Variants in LAMC2 observed in about 807,000 individuals in gnomAD.
LAMC2 encodes laminin subunit gamma-2.
LAMC2 carries 97 observed loss-of-function variants against 140.2 expected under a neutral mutation model. That is an observed-to-expected ratio of 0.69 (90% CI 0.59 to 0.82). LAMC2 has a LOEUF of 0.82. Among genes scored for constraint, LAMC2 ranks in the 40% least tolerant of loss-of-function variants. LAMC2 has a pLI of 0.00. For synonymous variants in LAMC2, 513 were observed against 540.2 expected, an observed-to-expected ratio of 0.95 and a Z score of 0.70; for missense variants, 1,402 against 1,476.1, an observed-to-expected ratio of 0.95 and a Z score of 0.82.
chr1:183,223,695 G>A (rs1659543286), intron 7 of LAMC2, among the ~76,000 whole-genome samples: 2 of 152,218 alleles, frequency 1.3e-5, no homozygotes, highest in Admixed American at 6.5e-5. Flanking sequence ...AGAGAAGGGA[G>A]GAAAGGTTAA....
intron 1 of LAMC2, 122 bp downstream of exon 1, chr1:183,186,553 T>C: frequency 9.8e-7 from 1 of 1,025,186 alleles, no homozygotes; most frequent in South Asian, 1.5e-5. Flanking sequence ...TTGTTAGAGC[T>C]CCCTTCTCCT....
At position 183,236,491 on chromosome 1, in the gene LAMC2, T is replaced by G; in HGVS notation, c.2488T>G (p.Leu830Val). ...GAAAACCAAGTCCCTGGCCCAGCAG[T>G]TGACAAGGGAGGCCACTCAAGCGGA... The part of the protein sequence containing the change: ...LEKTKSLAQQ[L>V]TREATQAEIE... The change falls in exon 17 of 23, where the codon TTG becomes GTG. Residue 830 changes from leucine (L) to valine (V), a missense_variant. This residue lies in a region of LAMC2 where 670 missense variants were observed against 667.2 expected (regional missense o/e 1.00). Transcript: ENST00000264144. 1.2e-6 allele frequency: 2 copies of G among 1,612,758 alleles called. No individual in the cohort carries two copies. Among genetic ancestry groups the G allele is most frequent in the East Asian group, 4.5e-5 (2 of 44,770 alleles).
Position 183,207,871 on chromosome 1 carries a change from T to A in LAMC2, c.80-10T>A. The A allele has an allele frequency of 6.3e-7, 1 of 1,599,570 alleles. No individual in the cohort carries two copies. Among genetic ancestry groups the A allele is most frequent in the Non-Finnish European group, 8.6e-7 (1 of 1,168,302 alleles). ...TTTTTGACGATCTCTTTTGTATGCT[T>A]CCTCCCCAGTCTGTGATTGCAATGG... On this transcript the variant is annotated splice_polypyrimidine_tract_variant and intron_variant, in intron 1 of 22. Coordinates refer to ENST00000264144, the MANE Select transcript of LAMC2 (RefSeq NM_005562.3).
chr1:183,231,567 A>G (rs1414372860), intron 12 of LAMC2, among the ~76,000 whole-genome samples: 2 of 152,254 alleles, frequency 1.3e-5, no homozygotes, highest in Non-Finnish European at 2.9e-5. Context: ...ACAAATGAAG[A>G]AAAACATAAA....
chr1:183,241,273 A>G, intron 22 of LAMC2: 5 of 984,000 alleles, frequency 5.1e-6, no homozygotes, highest in Non-Finnish European at 2.4e-6. Context: ...GAAAAATAAA[A>G]AAGAATCACT....
chr1:183,249,204 T>C (rs1660308024), downstream of LAMC2: 1 of 152,182 alleles, frequency 6.6e-6, no homozygotes, highest in African/African-American at 2.4e-5. Flanking sequence ...TGTTCCTATG[T>C]ACATTCAAGG....
intron 3 of LAMC2, among the ~76,000 whole-genome samples, chr1:183,217,536 G>T (rs1244363331): frequency 1.3e-5 from 2 of 152,172 alleles, no homozygotes; most frequent in Non-Finnish European, 2.9e-5. Flanking sequence ...TAACCAAAAA[G>T]AATATATGTA....
rs886045626 is a variant in LAMC2, at chr1:183,226,899, C to G, written c.1268C>G (p.Ala423Gly). The G allele has an allele frequency of 1.2e-6, 2 of 1,613,840 alleles. No individual in the cohort carries two copies. The highest frequency in any genetic ancestry group is 2.2e-5 in the East Asian group (1 of 44,878). Residue 423 changes from alanine (A) to glycine (G), a missense_variant, in exon 9 of 23, where the codon GCC (alanine) becomes GGC (glycine). Coordinates refer to ENST00000264144, the MANE Select transcript of LAMC2 (RefSeq NM_005562.3). ...CIPCNCQGGG[A>G]CDPDTGDCYS... The stretch of plus-strand genomic sequence containing the variant: ...CCTTGTAACTGTCAAGGGGGAGGGG[C>G]CTGTGATCCAGACACAGGTGAGTGA...
At chr1:183,203,687 A>G (rs1658794203) in intron 1 of LAMC2, among the ~76,000 whole-genome samples, 1 of 152,102 alleles carries the variant, frequency 6.6e-6, no homozygotes, top group Admixed American at 6.5e-5. Context: ...TAAGTGCAAT[A>G]TAGCTGGGTG....
At chr1:183,191,837 C>T (rs143927712) in intron 1 of LAMC2, among the ~76,000 whole-genome samples, 9,485 of 146,136 alleles carry the variant, frequency 0.065, 817 homozygotes, top group African/African-American at 0.21. Flanking sequence ...CCAGCCTGGG[C>T]AACAGAATGA....
chr1:183,192,175 G>T (rs687988), intron 1 of LAMC2, among the ~76,000 whole-genome samples: 47,145 of 152,140 alleles, frequency 0.31, 7,730 homozygotes, highest in East Asian at 0.44. Context: ...TTTCCCTTCT[G>T]TTGTATCAGG....
At chr1:183,229,586 G>A (rs112573870) in intron 11 of LAMC2, among the ~76,000 whole-genome samples, 7,901 of 146,778 alleles carry the variant, frequency 0.054, 692 homozygotes, top group African/African-American at 0.19. Flanking sequence ...GCAGTGAGCC[G>A]AGATCATGTC....
chr1:183,255,652 ATTCCT>A, the LAMC2 span, among the ~76,000 whole-genome samples: 5,513 of 133,004 alleles, frequency 0.041, 355 homozygotes, highest in African/African-American at 0.14. Flanking sequence ...TGTTAAATTT[ATTCCT>A]AAGGGTTTTT....
At chr1:183,206,372 G>A (rs1236311402) in intron 1 of LAMC2, among the ~76,000 whole-genome samples, 1 of 152,106 alleles carries the variant, frequency 6.6e-6, no homozygotes, top group South Asian at 2.1e-4. Flanking sequence ...CGCTGGGCAC[G>A]GTGGCTCACG....
intron 18 of LAMC2, 122 bp downstream of exon 18, chr1:183,237,626 C>A: frequency 9.6e-7 from 1 of 1,045,890 alleles, no homozygotes; most frequent in Non-Finnish European, 1.4e-6. Context: ...TCCCTGTAAT[C>A]CCCGCACTTT....
intron 1 of LAMC2, among the ~76,000 whole-genome samples, chr1:183,193,389 T>TA (rs1348844900): frequency 6.6e-6 from 1 of 152,220 alleles, no homozygotes; most frequent in African/African-American, 2.4e-5. Flanking sequence ...TTTGCATCTG[T>TA]ATATACGTAA....
At chr1:183,240,528 GC>G in intron 22 of LAMC2, 137 bp downstream of exon 22, 1 of 1,464,940 alleles carries the variant, frequency 6.8e-7, no homozygotes, top group Non-Finnish European at 9.0e-7. Flanking sequence ...TTGTTTCCAG[GC>G]CCAGATAACT....
intron 4 of LAMC2, among the ~76,000 whole-genome samples, chr1:183,219,710 C>G (rs1342578745): frequency 6.6e-6 from 1 of 152,138 alleles, no homozygotes; most frequent in East Asian, 1.9e-4. Flanking sequence ...TCTTTTAACT[C>G]TTGCTCTTAG....
Position 183,243,559 on chromosome 1 carries a change from G to T in LAMC2, c.*159G>T. 1 of 863,390 alleles carries T rather than the reference G, an allele frequency of 1.2e-6. No individual in the cohort carries two copies. Among genetic ancestry groups the T allele is most frequent in the Non-Finnish European group, 1.9e-6 (1 of 534,706 alleles). The allele number at this position is 863,390 out of a possible 1,614,324, so 53.5% of individuals were successfully genotyped here. A position where few individuals can be genotyped will look rare whatever the true frequency, so the allele number is the denominator to read the frequency against. On this transcript the variant is annotated 3_prime_UTR_variant, in exon 23 of 23. Coordinates refer to ENST00000264144, the MANE Select transcript of LAMC2 (RefSeq NM_005562.3). ...CCCATTCCTGATCCCATGGCCAGGTGGTTGTCTTATTGCACCATACTCCTT... is the reference window on the plus strand; with the variant it reads ...CCCATTCCTGATCCCATGGCCAGGTTGTTGTCTTATTGCACCATACTCCTT...
Sources: allele counts gnomAD v4.1 joint callset (sites outside exome capture counted in the v4.1 genomes callset), GRCh38; gene constraint gnomAD v4.1.1; regional missense constraint gnomAD v4.1.1; transcripts MANE v1.5; gene names NCBI Gene and HGNC (gene_info 2026-07-23, HGNC 2026-07-21).